EPHA6: variants seen among roughly 807,000 people sequenced by gnomAD.
EPHA6 encodes ephrin type-A receptor 6.
EPHA6 carries 50 observed loss-of-function variants against 112.0 expected under a neutral mutation model. The ratio of observed to expected loss-of-function variants is 0.45; its 90% CI spans 0.36 to 0.56. EPHA6 has a LOEUF of 0.56. Ranked by LOEUF, EPHA6 falls within the 20% of genes least tolerant of loss-of-function variation. The pLI is 0.00. For missense variants in EPHA6, 1,280 were observed against 1,417.4 expected (o/e 0.90, Z 1.56); for synonymous variants, 529 against 490.7 (o/e 1.08, Z -1.03).
chr3:97,611,168 C>T (rs1013034989), intron 13 of EPHA6, among the ~76,000 whole-genome samples: 16 of 151,684 alleles, frequency 1.1e-4, no homozygotes, highest in African/African-American at 3.9e-4. Flanking sequence ...AATTGCCTCA[C>T]AGTCATTAAT....
chr3:97,448,397 CATT>C (rs1478001242), intron 6 of EPHA6, among the ~76,000 whole-genome samples, 168 bp from the exon 7 acceptor site: 3 of 152,132 alleles, frequency 2.0e-5, no homozygotes, highest in Non-Finnish European at 4.4e-5. Flanking sequence ...TCATATGCAT[CATT>C]ATGATAAACA....
chr3:97,480,636 A>AC (rs2091505706), intron 9 of EPHA6, among the ~76,000 whole-genome samples: 2 of 152,238 alleles, frequency 1.3e-5, no homozygotes, highest in African/African-American at 4.8e-5. Flanking sequence ...AATTCTTTCT[A>AC]CACAGACACA....
intron 2 of EPHA6, among the ~76,000 whole-genome samples, chr3:96,974,818 G>C (rs2042457713): frequency 6.6e-6 from 1 of 152,128 alleles, no homozygotes; most frequent in Non-Finnish European, 1.5e-5. Context: ...AATGTCTTAA[G>C]ATCCATATAA....
intron 11 of EPHA6, among the ~76,000 whole-genome samples, chr3:97,564,199 G>T (rs893806666): frequency 6.6e-6 from 1 of 150,928 alleles, no homozygotes; most frequent in Non-Finnish European, 1.5e-5. Context: ...GATAAATTAA[G>T]AAATACTTGT....
At chr3:97,437,825 A>C (rs2107262937) in intron 6 of EPHA6, among the ~76,000 whole-genome samples, 1 of 151,918 alleles carries the variant, frequency 6.6e-6, no homozygotes, top group Non-Finnish European at 1.5e-5. Flanking sequence ...TAATAAATAT[A>C]TTTTTTCCTC....
intron 3 of EPHA6, among the ~76,000 whole-genome samples, chr3:97,105,679 A>T (rs532551225): frequency 3.3e-5 from 5 of 152,140 alleles, no homozygotes; most frequent in African/African-American, 1.2e-4. Flanking sequence ...ATTTCATCCA[A>T]GGTTGAGTTC....
At chr3:97,206,463 G>A (rs1306220685) in intron 3 of EPHA6, among the ~76,000 whole-genome samples, 1 of 151,816 alleles carries the variant, frequency 6.6e-6, no homozygotes, top group Non-Finnish European at 1.5e-5. Flanking sequence ...TTTTATTTGA[G>A]TTCGTTTCCT....
At chr3:97,464,524 A>G (rs1324312148) in intron 7 of EPHA6, among the ~76,000 whole-genome samples, 1 of 152,086 alleles carries the variant, frequency 6.6e-6, no homozygotes, top group Non-Finnish European at 1.5e-5. Flanking sequence ...AAACCTCTCC[A>G]TGTTTATGCT....
intron 5 of EPHA6, among the ~76,000 whole-genome samples, chr3:97,354,834 G>A (rs182499347): frequency 1.3e-5 from 2 of 152,114 alleles, no homozygotes; most frequent in African/African-American, 4.8e-5. Context: ...AAAGGTTGAG[G>A]ATAAAGAACA....
intron 6 of EPHA6, among the ~76,000 whole-genome samples, chr3:97,420,397 T>C (rs2088520705): frequency 1.3e-5 from 2 of 152,066 alleles, no homozygotes; most frequent in South Asian, 2.1e-4. Flanking sequence ...ATTGGAAATA[T>C]AATGAATTTT....
intron 9 of EPHA6, chr3:97,481,578 G>T (rs866877918): frequency 1.4e-5 from 8 of 586,172 alleles, no homozygotes; most frequent in Non-Finnish European, 2.2e-5. Context: ...GGCGCTGGGG[G>T]ACTGTTGGGT....
At chr3:96,881,291 A>G (rs2037298789) in intron 2 of EPHA6, among the ~76,000 whole-genome samples, 1 of 152,172 alleles carries the variant, frequency 6.6e-6, no homozygotes, top group Non-Finnish European at 1.5e-5. Context: ...ACTAGGAAGA[A>G]AAATAGGTTT....
At chr3:97,357,514 G>GT (rs2084147297) in intron 5 of EPHA6, among the ~76,000 whole-genome samples, 2 of 152,112 alleles carry the variant, frequency 1.3e-5, no homozygotes, top group South Asian at 4.2e-4. Context: ...ACAATGTATA[G>GT]TTGGTCATAT....
At chr3:97,428,580 A>C (rs1318735911) in intron 6 of EPHA6, among the ~76,000 whole-genome samples, 1 of 152,192 alleles carries the variant, frequency 6.6e-6, no homozygotes, top group South Asian at 2.1e-4. Flanking sequence ...GGCATATTAA[A>C]TGCTCAGAGA....
At chr3:97,423,641 G>GA (rs984569946) in intron 6 of EPHA6, among the ~76,000 whole-genome samples, 1 of 151,990 alleles carries the variant, frequency 6.6e-6, no homozygotes, top group African/African-American at 2.4e-5. Flanking sequence ...TACAGAATTA[G>GA]AAAAAACCTT....
At chr3:97,628,435 A>G (rs2093876485) in intron 13 of EPHA6, among the ~76,000 whole-genome samples, 1 of 151,994 alleles carries the variant, frequency 6.6e-6, no homozygotes, top group Non-Finnish European at 1.5e-5. Flanking sequence ...ATAATCAGGT[A>G]TTCATAAGGT....
In EPHA6 at chr3:97,600,204, G is replaced by A. The variant is rs866135912; in HGVS notation, c.2512+7467G>A. 3.7e-3 allele frequency among the ~76,000 whole-genome samples: 550 copies of A among 149,786 alleles called. 4 individuals are homozygous for A. The highest frequency in any genetic ancestry group is 0.012 in the African/African-American group (503 of 40,494). On this transcript the variant is annotated intron_variant, in intron 12 of 17. Transcript: ENST00000389672. ...GGTTTTCTAGATATACAATCATGTC[G>A]TCTGCAAACAGGGACAATTTGACTT...
At chr3:96,839,537 T>C (rs889763936) in intron 1 of EPHA6, among the ~76,000 whole-genome samples, 19 of 152,208 alleles carry the variant, frequency 1.2e-4, no homozygotes, top group African/African-American at 4.6e-4. Flanking sequence ...TGGAAGACTT[T>C]AGTTGGGAAC....
At chr3:97,308,856 A>G (rs1053886581) in intron 5 of EPHA6, among the ~76,000 whole-genome samples, 1 of 151,794 alleles carries the variant, frequency 6.6e-6, no homozygotes, top group African/African-American at 2.4e-5. Flanking sequence ...TCTGAACTGA[A>G]CTGTAAACCA....
Sources: allele counts gnomAD v4.1 joint callset (sites outside exome capture counted in the v4.1 genomes callset), GRCh38; gene constraint gnomAD v4.1.1; transcripts MANE v1.5; gene names NCBI Gene and HGNC (gene_info 2026-07-23, HGNC 2026-07-21).